Variants in GPC5 observed in about 807,000 individuals in gnomAD.
The protein encoded by GPC5 is glypican 5, also known as glypican-5.
In GPC5, 47 loss-of-function variants were observed where a neutral mutation model predicts 53.9. That is an observed-to-expected ratio of 0.87 (90% CI 0.69 to 1.11). The LOEUF (loss-of-function observed/expected upper bound fraction) is 1.11. GPC5 is among the 50% of genes most tolerant of loss of function. The probability of loss-of-function intolerance (pLI) is 0.00; values close to 1 mark genes in which losing one functional copy is unlikely to be tolerated. For missense variants in GPC5, 748 were observed against 713.1 expected (o/e 1.05, Z -0.56); for synonymous variants, 286 against 263.3 (o/e 1.09, Z -0.84).
intron 7 of GPC5, among the ~76,000 whole-genome samples, chr13:92,349,617 A>T (rs1171235093): frequency 1.3e-5 from 2 of 152,070 alleles, no homozygotes; most frequent in Non-Finnish European, 2.9e-5. Context: ...TTATAAATAT[A>T]TAGCGACAAA....
chr13:92,494,074 TTG>T (rs1879871670), intron 7 of GPC5, among the ~76,000 whole-genome samples: 1 of 122,136 alleles, frequency 8.2e-6, no homozygotes, highest in Non-Finnish European at 1.7e-5. Flanking sequence ...GTTTGTTTGT[TTG>T]TTTGTTTTGT....
chr13:91,567,540 A>G (rs1319780118), intron 2 of GPC5, among the ~76,000 whole-genome samples: 3 of 152,182 alleles, frequency 2.0e-5, no homozygotes, highest in African/African-American at 7.2e-5. Flanking sequence ...AGGTTTTTTA[A>G]TAGAGATTTC....
At chr13:92,842,360 G>A (rs1878455921) in intron 7 of GPC5, among the ~76,000 whole-genome samples, 1 of 152,064 alleles carries the variant, frequency 6.6e-6, no homozygotes, top group East Asian at 1.9e-4. Context: ...TGAGAGTGAT[G>A]TGAAATAATA....
chr13:91,724,835 C>T (rs541506059), intron 3 of GPC5, among the ~76,000 whole-genome samples: 83 of 151,622 alleles, frequency 5.5e-4, no homozygotes, highest in Admixed American at 7.2e-4. Flanking sequence ...CCAGCCTGGG[C>T]GACAGAGTGA....
intron 7 of GPC5, among the ~76,000 whole-genome samples, chr13:92,582,755 T>C (rs1486601682): frequency 6.6e-6 from 1 of 152,198 alleles, no homozygotes; most frequent in African/African-American, 2.4e-5. Flanking sequence ...TTTGTAACTG[T>C]TGTAAGTGGG....
At chr13:91,860,854 T>A (rs1314757906) in intron 5 of GPC5, among the ~76,000 whole-genome samples, 1 of 152,204 alleles carries the variant, frequency 6.6e-6, no homozygotes, top group Non-Finnish European at 1.5e-5. Context: ...CTTAGGTTGA[T>A]TCCATATCTT....
At chr13:92,517,618 G>T (rs1880846999) in intron 7 of GPC5, among the ~76,000 whole-genome samples, 1 of 152,180 alleles carries the variant, frequency 6.6e-6, no homozygotes, top group African/African-American at 2.4e-5. Flanking sequence ...GCAGCTGAGG[G>T]TCTGACTGTT....
chr13:92,244,574 C>T (rs532348212), intron 7 of GPC5, among the ~76,000 whole-genome samples: 96 of 152,248 alleles, frequency 6.3e-4, no homozygotes, highest in African/African-American at 2.0e-3. Context: ...TTGCATTTCA[C>T]TTTCTTGAGT....
chr13:92,565,587 G>T (rs1290544705), intron 7 of GPC5, among the ~76,000 whole-genome samples: 2 of 151,994 alleles, frequency 1.3e-5, no homozygotes, highest in Non-Finnish European at 2.9e-5. Flanking sequence ...TTTCAGTAAA[G>T]TTGCCCTATC....
chr13:92,610,492 C>T (rs1238373034), intron 7 of GPC5, among the ~76,000 whole-genome samples: 1 of 152,286 alleles, frequency 6.6e-6, no homozygotes, highest in East Asian at 1.9e-4. Flanking sequence ...TCTTTAGTCT[C>T]ACAAAAGGAA....
At chr13:91,641,627 A>T (rs1188519100) in intron 2 of GPC5, among the ~76,000 whole-genome samples, 1 of 152,256 alleles carries the variant, frequency 6.6e-6, no homozygotes, top group Non-Finnish European at 1.5e-5. Flanking sequence ...AATAAAATAC[A>T]TAAATATTCT....
At chr13:92,439,781 A>T (rs909364879) in intron 7 of GPC5, among the ~76,000 whole-genome samples, 1 of 152,178 alleles carries the variant, frequency 6.6e-6, no homozygotes, top group Admixed American at 6.5e-5. Flanking sequence ...GAAAATAAGA[A>T]AGAAGACAGA....
chr13:92,684,693 A>G (rs1254570808), intron 7 of GPC5, among the ~76,000 whole-genome samples: 1 of 152,222 alleles, frequency 6.6e-6, no homozygotes, highest in Non-Finnish European at 1.5e-5. Flanking sequence ...GAATAACACT[A>G]GCATAAACAC....
chr13:92,481,789 A>T (rs1161902306), intron 7 of GPC5, among the ~76,000 whole-genome samples: 1 of 152,128 alleles, frequency 6.6e-6, no homozygotes, highest in African/African-American at 2.4e-5. Context: ...GGTTGAAGAC[A>T]AGTGGATTTT....
chr13:92,227,483 G>C (rs2042496451), intron 7 of GPC5, among the ~76,000 whole-genome samples: 1 of 152,018 alleles, frequency 6.6e-6, no homozygotes, highest in South Asian at 2.1e-4. Flanking sequence ...TCTCGTCAAG[G>C]GTGTGTCATT....
Position 91,437,588 on chromosome 13 carries a change from A to G in GPC5, c.164-11173A>G, listed in dbSNP as rs9560794. 2.2e-3 allele frequency among the ~76,000 whole-genome samples: 341 copies of G among 152,294 alleles called. 10 individuals carry two copies. In the East Asian group the frequency reaches 0.06, roughly 27 times the overall value. On this transcript the variant is annotated intron_variant, in intron 1 of 7. Transcript: ENST00000377067. ...GTCTGATGGGCTTCCCTTTGCAGGT[A>G]ACATTTTTTCCTTCATTTCAACTTT... is the stretch of plus-strand genomic sequence containing the variant.
At chr13:92,588,492 C>T (rs1883612833) in intron 7 of GPC5, among the ~76,000 whole-genome samples, 1 of 152,136 alleles carries the variant, frequency 6.6e-6, no homozygotes, top group Admixed American at 6.6e-5. Flanking sequence ...GAGCACTTTC[C>T]ATTTGTGAAG....
chr13:91,738,055 A>G (rs1210925433), intron 4 of GPC5, among the ~76,000 whole-genome samples: 1 of 151,362 alleles, frequency 6.6e-6, no homozygotes, highest in African/African-American at 2.5e-5. Flanking sequence ...AAGACAAACT[A>G]TTGAGAGGGT....
At chr13:91,730,886 C>T (rs999893997) in intron 4 of GPC5, among the ~76,000 whole-genome samples, 1 of 152,178 alleles carries the variant, frequency 6.6e-6, no homozygotes, top group Non-Finnish European at 1.5e-5. Flanking sequence ...ATCCCAGTAA[C>T]ATCCAGGCCA....
Sources: allele counts gnomAD v4.1 joint callset (sites outside exome capture counted in the v4.1 genomes callset), GRCh38; gene constraint gnomAD v4.1.1; transcripts MANE v1.5; gene names NCBI Gene and HGNC (gene_info 2026-07-23, HGNC 2026-07-21).